The following RAB3GAP2 variants were observed in gnomAD, a reference collection of about 807,000 sequenced individuals.
The protein encoded by RAB3GAP2 is RAB3 GTPase activating non-catalytic protein subunit 2, also known as rab3 GTPase-activating protein non-catalytic subunit.
In RAB3GAP2, 87 loss-of-function variants were observed where a neutral mutation model predicts 185.3. The observed-to-expected ratio is 0.47, with a 90% CI of 0.39 to 0.56. RAB3GAP2 has a LOEUF of 0.56. Among genes scored for constraint, RAB3GAP2 ranks in the 20% least tolerant of loss-of-function variants. The pLI is 0.00. For synonymous variants in RAB3GAP2, 554 were observed against 576.1 expected (o/e 0.96, Z 0.55); for missense variants, 1,492 against 1,638.2 (o/e 0.91, Z 1.54).
At chr1:220,202,080 A>G (rs1234450228) in intron 9 of RAB3GAP2, among the ~76,000 whole-genome samples, 196 bp downstream of exon 9, 2 of 151,954 alleles carry the variant, frequency 1.3e-5, no homozygotes, top group Admixed American at 6.6e-5. Context: ...TGGGAGGATC[A>G]CTTGATCCTG....
intron 24 of RAB3GAP2, 125 bp from the exon 25 acceptor site, chr1:220,167,800 C>T (rs958442591): frequency 2.9e-6 from 3 of 1,023,436 alleles, no homozygotes; most frequent in Admixed American, 3.8e-5. Context: ...TGAAGCTGAC[C>T]CGAAAAAGCC....
rs1272766649 is a variant in RAB3GAP2, at chr1:220,190,503, T to A, written c.1505A>T (p.Tyr502Phe). Residue 502 changes from tyrosine to phenylalanine, a missense_variant, in exon 15 of 35, where the codon TAT (tyrosine) becomes TTT (phenylalanine). This residue lies in a region of RAB3GAP2 where 681 missense variants were observed against 689.1 expected (regional missense o/e 0.99). Transcript: ENST00000358951. ...GKHCRLLYPG[Y>F]KIMGLNNVTS... ...AACATTATTTAAACCCATTATTTTA[T>A]AGCCAGGATACAGCAGCCTAAAGAA... 6.2e-7 allele frequency: 1 copy of A among 1,601,918 alleles called. No individual in the cohort carries two copies. Among genetic ancestry groups the A allele is most frequent in the African/African-American group, 1.3e-5 (1 of 74,624 alleles).
At chr1:220,163,736 A>C (rs1426897687) in intron 27 of RAB3GAP2, among the ~76,000 whole-genome samples, 3 of 103,248 alleles carry the variant, frequency 2.9e-5, no homozygotes, top group African/African-American at 7.5e-5. Context: ...TAAATATATA[A>C]ATACATACAT....
chr1:220,235,815 A>G (rs769630243), intron 1 of RAB3GAP2, among the ~76,000 whole-genome samples: 3 of 152,228 alleles, frequency 2.0e-5, no homozygotes, highest in Non-Finnish European at 2.9e-5. Context: ...TCTCTATGCC[A>G]CAATTCAGAA....
At chr1:220,192,361 A>G (rs1658639602) in intron 13 of RAB3GAP2, among the ~76,000 whole-genome samples, 1 of 43,278 alleles carries the variant, frequency 2.3e-5, no homozygotes, top group South Asian at 6.0e-4. Flanking sequence ...ACCTCAATCC[A>G]TTCATTATTC....
intron 2 of RAB3GAP2, among the ~76,000 whole-genome samples, chr1:220,223,478 T>C (rs1659345448): frequency 6.6e-6 from 1 of 152,020 alleles, no homozygotes. Flanking sequence ...TATGAAAGAA[T>C]GACAAACTTT....
At chr1:220,247,602 A>T (rs1440215894) in intron 1 of RAB3GAP2, among the ~76,000 whole-genome samples, 1 of 152,108 alleles carries the variant, frequency 6.6e-6, no homozygotes, top group Non-Finnish European at 1.5e-5. Context: ...CGATGAGGGG[A>T]GGTTGGGAGG....
intron 1 of RAB3GAP2, chr1:220,267,553 C>G (rs1660251752): frequency 1.4e-6 from 2 of 1,384,272 alleles, no homozygotes; most frequent in East Asian, 4.6e-5. Flanking sequence ...CTTTTTGATT[C>G]TTCATTTTTC....
chr1:220,254,438 A>G, intron 1 of RAB3GAP2: 1 of 1,613,130 alleles, frequency 6.2e-7, no homozygotes, highest in Non-Finnish European at 8.5e-7. Context: ...TTACTCAATT[A>G]TCTTCACGAT....
intron 6 of RAB3GAP2, 60 bp downstream of exon 6, chr1:220,210,741 G>A: frequency 6.9e-7 from 1 of 1,457,024 alleles, no homozygotes; most frequent in East Asian, 2.4e-5. Flanking sequence ...GTATAAAGGT[G>A]ATGCATAACC....
chr1:220,191,211 A>C lies in RAB3GAP2; in HGVS notation c.1344T>G (p.Asp448Glu). The change falls in exon 14 of 35, where the codon GAT becomes GAG. Residue 448 changes from aspartate to glutamate, a missense_variant. Physicochemically the swap from Asp to Glu is conservative, Grantham distance 45. This residue lies in a region of RAB3GAP2 where 681 missense variants were observed against 689.1 expected (regional missense o/e 0.99). Transcript: ENST00000358951. Reference protein sequence around the residue: ...DLHERVPEKADFSPFGNSQGP... With the variant: ...DLHERVPEKAEFSPFGNSQGP... The stretch of plus-strand genomic sequence containing the variant: ...CCTGAGAATTTCCAAAGGGGGAAAA[A>C]TCTGCCTTTTCTGGCACTCTTTCAT... The C allele has an allele frequency of 6.2e-7, 1 of 1,613,866 alleles. No individual in the cohort carries two copies. Among genetic ancestry groups the C allele is most frequent in the Non-Finnish European group, 8.5e-7 (1 of 1,179,926 alleles).
chr1:220,271,430 A>G (rs887927047), intron 1 of RAB3GAP2, among the ~76,000 whole-genome samples: 3 of 152,246 alleles, frequency 2.0e-5, no homozygotes, highest in African/African-American at 7.2e-5. Context: ...GAAAGCCTAT[A>G]TAGTATCTAA....
chr1:220,269,586 G>A (rs1660298420), intron 1 of RAB3GAP2, among the ~76,000 whole-genome samples: 1 of 152,144 alleles, frequency 6.6e-6, no homozygotes, highest in Non-Finnish European at 1.5e-5. Context: ...GCCGGGCATG[G>A]TGGCGCATGC....
At chr1:220,172,815 C>G (rs979351089) in intron 21 of RAB3GAP2, 73 bp from the exon 22 acceptor site, 9 of 943,204 alleles carry the variant, frequency 9.5e-6, no homozygotes, top group East Asian at 5.1e-5. Context: ...CTTTCCTAGA[C>G]AGCAGATGCA....
At chr1:220,183,502 C>T (rs972790996) in intron 19 of RAB3GAP2, among the ~76,000 whole-genome samples, 4 of 152,028 alleles carry the variant, frequency 2.6e-5, no homozygotes, top group African/African-American at 9.7e-5. Context: ...ATCCTCGCAC[C>T]TCAGCTTCCC....
chr1:220,270,174 G>A (rs192618073), intron 1 of RAB3GAP2, among the ~76,000 whole-genome samples: 69 of 152,130 alleles, frequency 4.5e-4, no homozygotes, highest in Non-Finnish European at 8.4e-4. Flanking sequence ...TCAAGTTCTC[G>A]CCTTCCTCAG....
At chr1:220,171,414 GT>G in intron 23 of RAB3GAP2, among the ~76,000 whole-genome samples, 1 of 152,272 alleles carries the variant, frequency 6.6e-6, no homozygotes, top group East Asian at 1.9e-4. Flanking sequence ...CAAGGGCCAA[GT>G]TTTGTCTATC....
rs1226552528 is a variant in RAB3GAP2 at position 220,153,194 on chromosome 1, T to G, written c.3858A>C (p.Leu1286Phe). Residue 1286 changes from leucine to phenylalanine, a missense_variant, in exon 33 of 35, where the codon TTA becomes TTC. Around this residue, in one of 5 missense-constraint regions of RAB3GAP2, gnomAD observed 387 missense variants for 455.3 expected, o/e 0.85. Transcript: ENST00000358951. ...AAAGGGTCATGATTACCTCTTCTCC[T>G]AAGTGGTCAACTCCATAGTTGTATA... ...GELYNYGVDH[L>F]GEEAILQVHD... The G allele has an allele frequency of 6.2e-7, 1 of 1,608,170 alleles. No homozygotes were observed. Among genetic ancestry groups the G allele is most frequent in the East Asian group, 2.2e-5 (1 of 44,852 alleles).
chr1:220,255,511 T>C (rs1571932100), intron 1 of RAB3GAP2, among the ~76,000 whole-genome samples: 1 of 152,072 alleles, frequency 6.6e-6, no homozygotes, highest in Non-Finnish European at 1.5e-5. Flanking sequence ...TGTAACCCAA[T>C]GCAAAGAAGC....
Sources: allele counts gnomAD v4.1 joint callset (sites outside exome capture counted in the v4.1 genomes callset), GRCh38; gene constraint gnomAD v4.1.1; regional missense constraint gnomAD v4.1.1; transcripts MANE v1.5; gene names NCBI Gene and HGNC (gene_info 2026-07-23, HGNC 2026-07-21).